RNF10: variants seen among roughly 807,000 people sequenced by gnomAD.
The protein encoded by RNF10 is E3 ubiquitin-protein ligase RNF10.
A neutral mutation model predicts 91.4 loss-of-function variants in RNF10; 38 were observed. The observed-to-expected ratio is 0.42, with a 90% CI of 0.32 to 0.54. The LOEUF is 0.54. RNF10 is among the 20% of genes least tolerant of loss of function. The pLI, the probability that RNF10 is intolerant of heterozygous loss-of-function variation, is 0.16. For synonymous variants in RNF10, 364 were observed against 366.3 expected, an observed-to-expected ratio of 0.99 and a Z score of 0.07; for missense variants, 945 against 1,012.0, an observed-to-expected ratio of 0.93 and a Z score of 0.90.
intron 10 of RNF10, among the ~76,000 whole-genome samples, chr12:120,564,444 C>G (rs1429474289): frequency 1.3e-5 from 2 of 152,006 alleles, no homozygotes; most frequent in Non-Finnish European, 2.9e-5. Flanking sequence ...TCAGACCAGC[C>G]AGGGCATTTC....
intron 14 of RNF10, among the ~76,000 whole-genome samples, chr12:120,573,562 T>C (rs1876968950): frequency 6.6e-6 from 1 of 151,756 alleles, no homozygotes; most frequent in Non-Finnish European, 1.5e-5. Flanking sequence ...GTATAAAAGA[T>C]TACCCGACGC....
chr12:120,573,157 G>A (rs1431715824), intron 14 of RNF10, among the ~76,000 whole-genome samples: 3 of 151,958 alleles, frequency 2.0e-5, no homozygotes, highest in South Asian at 2.1e-4. Context: ...TGGGATATTC[G>A]CCTATAGAAC....
At chr12:120,573,745 G>A (rs1161551908) in intron 14 of RNF10, among the ~76,000 whole-genome samples, 1 of 152,120 alleles carries the variant, frequency 6.6e-6, no homozygotes, top group Admixed American at 6.6e-5. Flanking sequence ...GAGGGGAGGA[G>A]GTGCCAGGCC....
rs2137282391 is a variant in RNF10, at chr12:120,576,977, A to T, written c.*311A>T. The T allele has an allele frequency of 5.5e-6, 2 of 363,740 alleles. No homozygotes were observed. Among genetic ancestry groups the T allele is most frequent in the East Asian group, 1.5e-4 (2 of 13,422 alleles). The allele number at this position is 363,740 out of a possible 1,614,324, so 22.5% of individuals were successfully genotyped here. A position where few individuals can be genotyped will look rare whatever the true frequency, so the allele number is the denominator to read the frequency against. ...TTTTTCTCAACCCAAAGTAAGATTG[A>T]GTCCCCTTTGAGATGCATTAGAGCA... On this transcript the variant is annotated 3_prime_UTR_variant, in exon 17 of 17. Coordinates refer to ENST00000325954, the MANE Select transcript of RNF10 (RefSeq NM_014868.5).
chr12:120,567,425 G>A (rs555521202), intron 13 of RNF10, among the ~76,000 whole-genome samples: 22 of 152,016 alleles, frequency 1.4e-4, no homozygotes, highest in Admixed American at 2.6e-4. Context: ...CCAGAAGGCC[G>A]GGCGTGGTGG....
Position 120,565,201 on chromosome 12 carries a change from C to T in RNF10, c.1783+12C>T. 1 of 1,534,752 alleles carries T rather than the reference C, an allele frequency of 6.5e-7. No individual in the cohort carries two copies. The highest frequency in any genetic ancestry group is 9.0e-7 in the Non-Finnish European group (1 of 1,107,952). ...AGAGATGTTCTCAGGTGAGAATGCC[C>T]CTGCTCTGCTTCTCTTTATAGTAGG... On this transcript the variant is annotated intron_variant, in intron 11 of 16. Coordinates refer to ENST00000325954, the MANE Select transcript of RNF10 (RefSeq NM_014868.5).
rs1565966644 is a variant in RNF10, at chr12:120,565,528, G to GT, written c.1885dup (p.Tyr629LeufsTer25). On this transcript the variant is annotated frameshift_variant and splice_region_variant, in exon 12 of 17. Coordinates refer to ENST00000325954, the MANE Select transcript of RNF10 (RefSeq NM_014868.5). LOFTEE classifies it high-confidence loss of function. ...TAGAGGAGAACAAGAAACAGGGCAA[G>GT]TGTAAGTTCAGGAACTTTCATCTTT... The GT allele has an allele frequency of 6.2e-7, 1 of 1,613,684 alleles. No homozygotes were observed. The highest frequency in any genetic ancestry group is 2.2e-5 in the East Asian group (1 of 44,870).
chr12:120,573,193 C>T (rs1876920815), intron 14 of RNF10, among the ~76,000 whole-genome samples: 1 of 152,112 alleles, frequency 6.6e-6, no homozygotes, highest in South Asian at 2.1e-4. Flanking sequence ...AGAGAAATTC[C>T]ACTGCCACAG....
intron 13 of RNF10, among the ~76,000 whole-genome samples, chr12:120,570,424 G>T (rs1876456408): frequency 6.6e-6 from 1 of 152,054 alleles, no homozygotes; most frequent in Non-Finnish European, 1.5e-5. Context: ...GACCTCAGGT[G>T]ATCCACCCAC....
At chr12:120,547,827 A>G (rs954901684) in intron 2 of RNF10, among the ~76,000 whole-genome samples, 4 of 152,192 alleles carry the variant, frequency 2.6e-5, no homozygotes, top group African/African-American at 9.6e-5. Flanking sequence ...TTTAAGGAGA[A>G]AAGTAAGGTA....
At chr12:120,563,988 C>T (rs1178032822) in intron 10 of RNF10, 45 bp downstream of exon 10, 1 of 1,611,214 alleles carries the variant, frequency 6.2e-7, no homozygotes, top group Non-Finnish European at 8.5e-7. Flanking sequence ...GCAGTATTAA[C>T]CTAATCTCTT....
At chr12:120,567,419 A>G (rs957597559) in intron 13 of RNF10, among the ~76,000 whole-genome samples, 2 of 152,058 alleles carry the variant, frequency 1.3e-5, no homozygotes, top group African/African-American at 4.8e-5. Context: ...TTCACACCAG[A>G]AGGCCGGGCG....
At chr12:120,574,374 A>C (rs1274946448) in intron 14 of RNF10, 2 of 447,474 alleles carry the variant, frequency 4.5e-6, no homozygotes, top group African/African-American at 4.0e-5. Flanking sequence ...TGGGGCTCAT[A>C]GTGGCCTTCA....
chr12:120,544,198 G>C lies in RNF10; in HGVS notation c.158-2207G>C, dbSNP rs144473739. ...GCCGAGATTGCGCCACTGCACTCCA[G>C]CCTGGGCAATAGAGTGAGACTGTTA... On this transcript the variant is annotated intron_variant, in intron 1 of 16. Transcript: ENST00000325954. Among the ~76,000 whole-genome samples the C allele has an allele frequency of 8.5e-3, 1,291 of 152,126 alleles. 20 individuals carry two copies. The highest frequency in any genetic ancestry group is 0.03 in the African/African-American group (1,252 of 41,486).
In RNF10 at chr12:120,570,863, C is replaced by G. The variant is rs537588077; in HGVS notation, c.2042-328C>G. 2.0e-5 allele frequency among the ~76,000 whole-genome samples: 3 copies of G among 152,286 alleles called. No individual in the cohort carries two copies. The South Asian group carries it at 6.2e-4, about 32-fold the overall frequency. ...TTGTAAAACCAGTCCCTGACAGTACCTATCCTTGAGAGCCAGCCTTTGTGG... is the reference window on the plus strand; with the variant it reads ...TTGTAAAACCAGTCCCTGACAGTACGTATCCTTGAGAGCCAGCCTTTGTGG... On this transcript the variant is annotated intron_variant, in intron 13 of 16. Transcript: ENST00000325954.
chr12:120,537,505 G>A (rs1321268574), intron 1 of RNF10, among the ~76,000 whole-genome samples: 1 of 151,988 alleles, frequency 6.6e-6, no homozygotes, highest in African/African-American at 2.4e-5. Context: ...GTGCGCACCT[G>A]TAATCCCAGC....
intron 2 of RNF10, among the ~76,000 whole-genome samples, chr12:120,551,170 G>C (rs1872991247): frequency 6.6e-6 from 1 of 151,616 alleles, no homozygotes; most frequent in Admixed American, 6.6e-5. Context: ...ATTTTTTGTA[G>C]AGACATGGGA....
intron 1 of RNF10, among the ~76,000 whole-genome samples, chr12:120,544,141 T>C (rs946224367): frequency 6.6e-6 from 1 of 151,856 alleles, no homozygotes; most frequent in African/African-American, 2.4e-5. Flanking sequence ...GCAGGAGAAT[T>C]GCTGGAACCC....
chr12:120,568,020 G>A (rs1193176543), intron 13 of RNF10, among the ~76,000 whole-genome samples: 2 of 152,138 alleles, frequency 1.3e-5, no homozygotes, highest in South Asian at 2.1e-4. Flanking sequence ...CACTTTGGGA[G>A]GCCAAGGTGG....
Sources: allele counts gnomAD v4.1 joint callset (sites outside exome capture counted in the v4.1 genomes callset), GRCh38; gene constraint gnomAD v4.1.1; transcripts MANE v1.5; gene names NCBI Gene and HGNC (gene_info 2026-07-23, HGNC 2026-07-21).